The following DTNA variants were observed in gnomAD, a reference collection of about 807,000 sequenced individuals.
DTNA encodes dystrobrevin alpha.
DTNA carries 43 observed loss-of-function variants against 100.7 expected under a neutral mutation model. That is an observed-to-expected ratio of 0.43 (90% CI 0.33 to 0.55). The LOEUF is 0.55. Among genes scored for constraint, DTNA ranks in the 20% least tolerant of loss-of-function variants. The pLI, the probability that DTNA is intolerant of heterozygous loss-of-function variation, is 0.04. For missense variants in DTNA, 798 were observed against 953.9 expected (o/e 0.84, Z 2.15); for synonymous variants, 349 against 347.9 (o/e 1.00, Z -0.04).
In DTNA at chr18:34,716,117, G is replaced by A. The variant is rs140050741; in HGVS notation, c.-2+5672G>A. On this transcript the variant is annotated intron_variant, in intron 1 of 22. Coordinates refer to ENST00000444659, the MANE Select transcript of DTNA (RefSeq NM_001386795.1). ...AAATTGCATATCCTTGGGCCCTACA[G>A]TTCTACTACTAGGAATATGTCCTAA... 7.8e-3 allele frequency among the ~76,000 whole-genome samples: 1,181 copies of A among 152,232 alleles called. 8 individuals are homozygous for A. The highest frequency in any genetic ancestry group is 0.027 in the African/African-American group (1,107 of 41,522).
intron 1 of DTNA, among the ~76,000 whole-genome samples, chr18:34,569,413 C>A (rs2047373106): frequency 6.6e-6 from 1 of 151,652 alleles, no homozygotes; most frequent in Non-Finnish European, 1.5e-5. Flanking sequence ...ATAAGGGGAA[C>A]TTTTGAGGTA....
chr18:34,855,865 G>A (rs137977356), intron 15 of DTNA, among the ~76,000 whole-genome samples: 1 of 152,044 alleles, frequency 6.6e-6, no homozygotes, highest in East Asian at 1.9e-4. Context: ...GCTTCCACTC[G>A]GGCATGGGGG....
chr18:34,665,905 C>A (rs753835861), intron 1 of DTNA, among the ~76,000 whole-genome samples: 10 of 152,140 alleles, frequency 6.6e-5, no homozygotes, highest in Non-Finnish European at 1.3e-4. Flanking sequence ...GTCTTTATAG[C>A]AGCATGATTT....
intron 1 of DTNA, among the ~76,000 whole-genome samples, chr18:34,589,273 TA>T (rs1567961720): frequency 6.6e-6 from 1 of 152,150 alleles, no homozygotes; most frequent in East Asian, 1.9e-4. Context: ...TTACTACAGT[TA>T]AACAAATTAA....
At position 34,605,194 on chromosome 18, in the gene DTNA, A is replaced by G. The variant is rs560022867; in HGVS notation, c.-2+111680A>G. ...CTTGGAATTTTCCCACTGTTACTGC[A>G]AACTTTTTAAAATAAATAATCATGG... On this transcript the variant is annotated intron_variant, in intron 1 of 19. Coordinates refer to the DTNA transcript ENST00000283365. 4.1e-4 allele frequency among the ~76,000 whole-genome samples: 62 copies of G among 152,106 alleles called. No individual in the cohort carries two copies. In the South Asian group the frequency reaches 7.0e-3, roughly 17 times the overall value.
At chr18:34,632,530 C>G (rs2058200981) in intron 1 of DTNA, among the ~76,000 whole-genome samples, 1 of 152,150 alleles carries the variant, frequency 6.6e-6, no homozygotes, top group Non-Finnish European at 1.5e-5. Context: ...AACTCTTGTC[C>G]CCTGTCAGGG....
chr18:34,739,849 T>G (rs1216905999), intron 1 of DTNA, among the ~76,000 whole-genome samples: 4 of 152,176 alleles, frequency 2.6e-5, no homozygotes, highest in African/African-American at 9.7e-5. Context: ...TACAGATACC[T>G]ATTACTAGAG....
intron 1 of DTNA, among the ~76,000 whole-genome samples, chr18:34,626,539 G>T (rs928761677): frequency 1.3e-5 from 2 of 152,148 alleles, no homozygotes; most frequent in Admixed American, 6.5e-5. Context: ...GTTACAAACT[G>T]GTCATTACAC....
intron 8 of DTNA, among the ~76,000 whole-genome samples, chr18:34,820,344 T>C (rs1038620486): frequency 3.9e-5 from 6 of 152,144 alleles, no homozygotes; most frequent in African/African-American, 1.4e-4. Flanking sequence ...CTGTCATGCC[T>C]GTGATGTAAA....
intron 1 of DTNA, among the ~76,000 whole-genome samples, chr18:34,669,274 G>A (rs183162466): frequency 6.6e-6 from 1 of 152,074 alleles, no homozygotes; most frequent in East Asian, 1.9e-4. Context: ...TTTTCCATTT[G>A]CTTGGTAGAT....
chr18:34,829,212 C>T (rs1475525565), intron 10 of DTNA, 188 bp from the exon 11 acceptor site: 4 of 1,563,492 alleles, frequency 2.6e-6, no homozygotes, highest in Non-Finnish European at 3.5e-6. Context: ...TTGGAATGTT[C>T]TCTGTGAACC....
intron 1 of DTNA, among the ~76,000 whole-genome samples, chr18:34,633,264 T>C (rs1599356996): frequency 6.6e-6 from 1 of 152,226 alleles, no homozygotes; most frequent in African/African-American, 2.4e-5. Context: ...AAAATCTCAT[T>C]TGAAATCTAA....
intron 1 of DTNA, among the ~76,000 whole-genome samples, chr18:34,555,254 A>T (rs1379876096): frequency 1.5e-4 from 21 of 142,848 alleles, no homozygotes; most frequent in Non-Finnish European, 2.9e-4. Flanking sequence ...TGTCTATTTG[A>T]TTCTTCTCTC....
chr18:34,865,244 C>G (rs919648076), intron 17 of DTNA, among the ~76,000 whole-genome samples: 3 of 151,878 alleles, frequency 2.0e-5, no homozygotes, highest in Non-Finnish European at 2.9e-5. Context: ...TTTGTCTGTC[C>G]TTTCTTTCTC....
intron 1 of DTNA, among the ~76,000 whole-genome samples, chr18:34,513,116 C>T (rs1489991975): frequency 6.6e-6 from 1 of 151,952 alleles, no homozygotes. Context: ...TTTAGAGCTC[C>T]GTTTATTTTC....
intron 2 of DTNA, among the ~76,000 whole-genome samples, chr18:34,761,004 G>A (rs2093119196): frequency 6.6e-6 from 1 of 151,740 alleles, no homozygotes; most frequent in Non-Finnish European, 1.5e-5. Context: ...GCTCAATGAG[G>A]GATACTCTAT....
Position 34,879,722 on chromosome 18 carries a change from G to C in DTNA, c.2162+3G>C. On this transcript the variant is annotated splice_donor_region_variant and intron_variant, in intron 20 of 22. Transcript: ENST00000444659. ...ACAAGTACCATGCGTGGCGACATGT[G>C]AGTATCTTCCGCTTGGAAGCATTTT... 1 of 1,613,984 alleles carries C rather than the reference G, an allele frequency of 6.2e-7. No homozygotes were observed. The highest frequency in any genetic ancestry group is 8.5e-7 in the Non-Finnish European group (1 of 1,179,962).
intron 3 of DTNA, among the ~76,000 whole-genome samples, chr18:34,793,653 A>C (rs909684475): frequency 6.6e-6 from 1 of 152,196 alleles, no homozygotes; most frequent in East Asian, 1.9e-4. Flanking sequence ...CAATGGGGAA[A>C]TAACTTTTAA....
intron 3 of DTNA, among the ~76,000 whole-genome samples, chr18:34,784,210 C>G (rs115048940): frequency 0.011 from 1,629 of 152,154 alleles, 31 homozygotes; most frequent in African/African-American, 0.036. Context: ...ACATAGTAGT[C>G]TGAAAATGAA....
Sources: gnomAD v4.1 joint callset for allele counts (sites outside exome capture counted in the v4.1 genomes callset) on GRCh38, gnomAD v4.1.1 for gene constraint, MANE v1.5 for transcripts, NCBI Gene and HGNC (gene_info 2026-07-23, HGNC 2026-07-21) for gene names.